LOC400499: variants seen among roughly 807,000 people sequenced by gnomAD.
the LOC400499 span, among the ~76,000 whole-genome samples, chr16:11,436,436 G>T: frequency 6.6e-6 from 1 of 152,076 alleles, no homozygotes; most frequent in East Asian, 1.9e-4. Flanking sequence ...GTGGAGGGTG[G>T]GAGCAGAGAG....
chr16:11,399,692 C>A, the LOC400499 span: 1 of 398,866 alleles, frequency 2.5e-6, no homozygotes, highest in Non-Finnish European at 4.4e-6. Context: ...AGCGGTCAGG[C>A]CCCACATACC....
chr16:11,401,927 T>C, the LOC400499 span: 14 of 398,120 alleles, frequency 3.5e-5, no homozygotes, highest in African/African-American at 1.0e-4. Flanking sequence ...TACAGCCTCA[T>C]TGACCCCAGA....
At chr16:11,400,711 G>A in the LOC400499 span, among the ~76,000 whole-genome samples, 8 of 152,174 alleles carry the variant, frequency 5.3e-5, no homozygotes, top group African/African-American at 1.9e-4. Context: ...TCAGTGCTGG[G>A]ATTACAGGCA....
the LOC400499 span, among the ~76,000 whole-genome samples, chr16:11,484,682 G>A: frequency 0.022 from 3,355 of 152,196 alleles, 125 homozygotes; most frequent in African/African-American, 0.077. Context: ...CCATGCATAG[G>A]ATCTATTTCA....
the LOC400499 span, among the ~76,000 whole-genome samples, chr16:11,411,000 C>T: frequency 6.6e-5 from 10 of 152,258 alleles, no homozygotes; most frequent in African/African-American, 9.6e-5. Context: ...GGTGAGGAGG[C>T]CTCCCCCATC....
At chr16:11,413,331 G>T in the LOC400499 span, among the ~76,000 whole-genome samples, 1 of 152,158 alleles carries the variant, frequency 6.6e-6, no homozygotes, top group Non-Finnish European at 1.5e-5. Flanking sequence ...TTGCAGGAGG[G>T]GTGACATCCT....
chr16:11,379,725 T>C, the LOC400499 span, among the ~76,000 whole-genome samples: 15 of 152,372 alleles, frequency 9.8e-5, no homozygotes, highest in South Asian at 2.5e-3. Flanking sequence ...GCATGGCTTA[T>C]GGTTTGCTTT....
chr16:11,508,489 G>A, the LOC400499 span, among the ~76,000 whole-genome samples: 1 of 152,244 alleles, frequency 6.6e-6, no homozygotes, highest in Non-Finnish European at 1.5e-5. Flanking sequence ...CTTCCCCTCT[G>A]CTCACATCCA....
At chr16:11,481,753 C>T in the LOC400499 span, among the ~76,000 whole-genome samples, 1 of 152,168 alleles carries the variant, frequency 6.6e-6, no homozygotes, top group Non-Finnish European at 1.5e-5. Context: ...CTGCCTCAGC[C>T]TCCAGAATAT....
At chr16:11,510,222 C>T in the LOC400499 span, among the ~76,000 whole-genome samples, 2,819 of 86,756 alleles carry the variant, frequency 0.032, 161 homozygotes, top group East Asian at 0.26. Context: ...TTAGCAAAGG[C>T]GTGTGCCTTC....
chr16:11,403,869 T>C, the LOC400499 span, among the ~76,000 whole-genome samples: 2 of 152,182 alleles, frequency 1.3e-5, no homozygotes, highest in East Asian at 3.9e-4. Context: ...TTCCACGCCC[T>C]GGCCCCTTCT....
chr16:11,465,217 C>G, the LOC400499 span: 5 of 152,398 alleles, frequency 3.3e-5, no homozygotes, highest in African/African-American at 1.2e-4. Flanking sequence ...ACCTCCACCT[C>G]CCAGATTCAA....
chr16:11,471,685 A>C, the LOC400499 span: 15 of 399,164 alleles, frequency 3.8e-5, no homozygotes, highest in South Asian at 3.8e-4. Flanking sequence ...AGCTTCCAGC[A>C]GGTACTGTCG....
chr16:11,523,236 C>T, the LOC400499 span, among the ~76,000 whole-genome samples: 7 of 152,342 alleles, frequency 4.6e-5, no homozygotes, highest in African/African-American at 9.6e-5. Flanking sequence ...ATTTCTCTAA[C>T]TCTGTGGGTG....
chr16:11,388,614 C>T, the LOC400499 span, among the ~76,000 whole-genome samples: 3 of 152,160 alleles, frequency 2.0e-5, no homozygotes, highest in African/African-American at 4.8e-5. Context: ...CTATCCACCA[C>T]CCCCGTGTTC....
chr16:11,390,152 C>G, the LOC400499 span: 1 of 1,232,368 alleles, frequency 8.1e-7, no homozygotes, highest in Non-Finnish European at 1.0e-6. Flanking sequence ...AGAGCCTCTT[C>G]AGTGCCCGTG....
the LOC400499 span, chr16:11,385,069 TGGGCCAGAGG>T: frequency 2.4e-6 from 3 of 1,231,818 alleles, no homozygotes; most frequent in Non-Finnish European, 3.0e-6. Flanking sequence ...TGTAGGCCTG[TGGGCCAGAGG>T]GGGCTGGGCA....
the LOC400499 span, among the ~76,000 whole-genome samples, chr16:11,376,179 T>C: frequency 2.6e-5 from 4 of 152,372 alleles, no homozygotes; most frequent in Admixed American, 1.3e-4. Flanking sequence ...ACTCTGTTAA[T>C]AGTATCCTTC....
the LOC400499 span, among the ~76,000 whole-genome samples, chr16:11,416,194 C>G: frequency 4.1e-4 from 63 of 152,082 alleles, no homozygotes; most frequent in African/African-American, 1.5e-3. Flanking sequence ...AAATGATCCA[C>G]CCGCCTTGGC....
Sources: allele counts gnomAD v4.1 joint callset (sites outside exome capture counted in the v4.1 genomes callset), GRCh38; gene constraint gnomAD v4.1.1; transcripts MANE v1.5.